Variants in UNC5C observed in about 807,000 individuals in gnomAD.
UNC5C encodes netrin receptor UNC5C.
In UNC5C, 47 loss-of-function variants were observed where a neutral mutation model predicts 99.8. That is an observed-to-expected ratio of 0.47 (90% CI 0.37 to 0.60). The LOEUF is 0.60. Among genes scored for constraint, UNC5C ranks in the 20% least tolerant of loss-of-function variants. UNC5C has a pLI of 0.00. For missense variants in UNC5C, 1,062 were observed against 1,165.9 expected, an observed-to-expected ratio of 0.91 and a Z score of 1.30; for synonymous variants, 487 against 452.2, an observed-to-expected ratio of 1.08 and a Z score of -0.98.
At chr4:95,188,366 A>G (rs1246257810) in intron 12 of UNC5C, among the ~76,000 whole-genome samples, 1 of 152,222 alleles carries the variant, frequency 6.6e-6, no homozygotes, top group Admixed American at 6.5e-5. Flanking sequence ...CCATGGTGTG[A>G]GTTAAAGAGA....
chr4:95,188,662 T>G (rs904222599), intron 12 of UNC5C, among the ~76,000 whole-genome samples: 1 of 152,238 alleles, frequency 6.6e-6, no homozygotes. Context: ...TTTTGGTTAT[T>G]TATATGATAC....
chr4:95,220,401 A>T (rs1359102962), intron 7 of UNC5C, among the ~76,000 whole-genome samples: 4 of 152,144 alleles, frequency 2.6e-5, no homozygotes, highest in Non-Finnish European at 4.4e-5. Context: ...CTATCTTATA[A>T]TTGGGCAGCA....
At chr4:95,443,306 G>C (rs1185992231) in intron 1 of UNC5C, among the ~76,000 whole-genome samples, 1 of 152,132 alleles carries the variant, frequency 6.6e-6, no homozygotes, top group Admixed American at 6.5e-5. Context: ...GGGCCTCAGA[G>C]GTCTTTGTGT....
chr4:95,280,894 G>A (rs1741032732), intron 3 of UNC5C, among the ~76,000 whole-genome samples: 1 of 99,158 alleles, frequency 1.0e-5, no homozygotes, highest in Non-Finnish European at 1.7e-5. Flanking sequence ...CACATCCCCC[G>A]ACATCTCTTT....
intron 1 of UNC5C, among the ~76,000 whole-genome samples, chr4:95,387,181 C>T (rs1745235986): frequency 6.6e-6 from 1 of 152,156 alleles, no homozygotes; most frequent in African/African-American, 2.4e-5. Flanking sequence ...CTCTCTCACC[C>T]AGGCTGGAGT....
intron 1 of UNC5C, among the ~76,000 whole-genome samples, chr4:95,478,249 A>G (rs1385443277): frequency 1.3e-5 from 2 of 151,928 alleles, no homozygotes; most frequent in Admixed American, 6.6e-5. Context: ...AATCCTTGCC[A>G]GTAAAGGCTG....
intron 1 of UNC5C, among the ~76,000 whole-genome samples, chr4:95,545,699 A>C (rs1723039063): frequency 6.6e-6 from 1 of 151,944 alleles, no homozygotes; most frequent in Non-Finnish European, 1.5e-5. Context: ...TGTGTAGCCC[A>C]GATAAAATGC....
At chr4:95,477,774 T>C (rs766956723) in intron 1 of UNC5C, among the ~76,000 whole-genome samples, 68 of 152,136 alleles carry the variant, frequency 4.5e-4, no homozygotes, top group Non-Finnish European at 9.3e-4. Context: ...TAGACACAGA[T>C]GCCTTTAGTT....
intron 2 of UNC5C, among the ~76,000 whole-genome samples, chr4:95,334,376 G>A (rs1012591419): frequency 1.3e-5 from 2 of 151,798 alleles, no homozygotes; most frequent in Non-Finnish European, 2.9e-5. Context: ...TCTAGTAAGG[G>A]TAAAAAAGAT....
At chr4:95,197,056 TAA>T (rs1737451331) in intron 12 of UNC5C, among the ~76,000 whole-genome samples, 3 of 52,590 alleles carry the variant, frequency 5.7e-5, no homozygotes, top group Non-Finnish European at 1.0e-4. Flanking sequence ...ATGTAATATA[TAA>T]TATATATTTT....
chr4:95,214,178 A>G (rs1477523597), intron 10 of UNC5C, among the ~76,000 whole-genome samples: 1 of 152,206 alleles, frequency 6.6e-6, no homozygotes, highest in Non-Finnish European at 1.5e-5. Context: ...TTACAATAAA[A>G]ATGCATCTGG....
At chr4:95,244,915 CTCT>C in intron 6 of UNC5C, 59 bp downstream of exon 6, 8 of 1,595,028 alleles carry the variant, frequency 5.0e-6, no homozygotes, top group Non-Finnish European at 6.9e-6. Flanking sequence ...TGTATCTATT[CTCT>C]AAAAGCATGT....
chr4:95,546,283 T>C lies in UNC5C; in HGVS notation c.124+2451A>G, dbSNP rs148018300. Among the ~76,000 whole-genome samples, 7 of 152,248 alleles carry C rather than the reference T, an allele frequency of 4.6e-5. 1 individual carries two copies. Among genetic ancestry groups the C allele is most frequent in the African/African-American group, 1.7e-4 (7 of 41,542 alleles). On this transcript the variant is annotated intron_variant, in intron 1 of 15. Transcript: ENST00000453304. ...CCAAGGAAAGGAGAAAGAAGAAGAA[T>C]AAGAAGGAAAAGGAGGTCTGACTAT...
At chr4:95,356,832 A>G (rs1015645764) in intron 1 of UNC5C, among the ~76,000 whole-genome samples, 2 of 152,180 alleles carry the variant, frequency 1.3e-5, no homozygotes, top group Non-Finnish European at 2.9e-5. Flanking sequence ...GAGGTTATAG[A>G]GAAGTAATCT....
intron 1 of UNC5C, among the ~76,000 whole-genome samples, chr4:95,350,248 G>A (rs549510465): frequency 3.9e-5 from 6 of 152,202 alleles, no homozygotes; most frequent in South Asian, 4.1e-4. Flanking sequence ...AGCACTTTGG[G>A]AGGCCGAAGT....
At chr4:95,290,087 G>A (rs1419253211) in intron 3 of UNC5C, among the ~76,000 whole-genome samples, 1 of 152,058 alleles carries the variant, frequency 6.6e-6, no homozygotes, top group African/African-American at 2.4e-5. Flanking sequence ...GGGATCGCTT[G>A]AGGCCAGGGA....
At position 95,253,547 on chromosome 4, in the gene UNC5C, G is replaced by A. The variant is rs188523407; in HGVS notation, c.595-2880C>T. Among the ~76,000 whole-genome samples the A allele has an allele frequency of 2.2e-3, 339 of 152,258 alleles. 1 individual carries two copies. The highest frequency in any genetic ancestry group is 7.8e-3 in the African/African-American group (322 of 41,546). On this transcript the variant is annotated intron_variant, in intron 4 of 15. Transcript: ENST00000453304. ...GCAGTGTTTGACGACCCCTGTGGGG[G>A]ACACTGCTCTCCTCCCTTAACTCCC...
intron 2 of UNC5C, among the ~76,000 whole-genome samples, chr4:95,330,155 A>C (rs889095769): frequency 6.6e-6 from 1 of 152,042 alleles, no homozygotes; most frequent in Non-Finnish European, 1.5e-5. Flanking sequence ...CTTGATCTCT[A>C]TTTTAATCTA....
chr4:95,261,304 T>C (rs1740216784), intron 4 of UNC5C, among the ~76,000 whole-genome samples: 1 of 152,168 alleles, frequency 6.6e-6, no homozygotes, highest in Non-Finnish European at 1.5e-5. Context: ...CTGTCACTCA[T>C]AGGACCAATA....
Sources: allele counts gnomAD v4.1 joint callset (sites outside exome capture counted in the v4.1 genomes callset), GRCh38; gene constraint gnomAD v4.1.1; transcripts MANE v1.5; gene names NCBI Gene and HGNC (gene_info 2026-07-23, HGNC 2026-07-21).